NLRC3: variants seen among roughly 807,000 people sequenced by gnomAD.
The protein encoded by NLRC3 is NLR family CARD domain-containing protein 3.
NLRC3 carries 87 observed loss-of-function variants against 91.6 expected under a neutral mutation model. The observed-to-expected ratio is 0.95, with a 90% CI of 0.80 to 1.14. The LOEUF (loss-of-function observed/expected upper bound fraction) is 1.14, where lower values mean the gene tolerates loss of function less well. NLRC3 is among the 50% of genes most tolerant of loss of function. The pLI, the probability that NLRC3 is intolerant of heterozygous loss-of-function variation, is 0.00. For synonymous variants in NLRC3, 694 were observed against 625.3 expected (o/e 1.11, Z -1.64); for missense variants, 1,577 against 1,418.6 (o/e 1.11, Z -1.79).
chr16:3,572,434 C>T (rs2040132262), intron 1 of NLRC3, among the ~76,000 whole-genome samples: 1 of 152,074 alleles, frequency 6.6e-6, no homozygotes, highest in African/African-American at 2.4e-5. Flanking sequence ...ACTACAGGCG[C>T]ATGCTACCAC....
Position 3,557,043 on chromosome 16 carries a change from G to T in NLRC3, c.2100-49C>A, listed in dbSNP as rs199476281. Reference sequence around the variant, plus strand: ...CCTCCTTCATCTGTCTCCCAGAGAGGGAAGGGGAAACAGAAACTGCATTGA... The same window carrying T: ...CCTCCTTCATCTGTCTCCCAGAGAGTGAAGGGGAAACAGAAACTGCATTGA... On this transcript the variant is annotated intron_variant, in intron 7 of 19. Transcript: ENST00000359128. 215 of 1,332,818 alleles carry T rather than the reference G, an allele frequency of 1.6e-4. No individual in the cohort carries two copies. Among genetic ancestry groups the T allele is most frequent in the Admixed American group, 1.2e-3 (67 of 57,870 alleles). 82.6% of individuals were successfully genotyped at this position (1,332,818 alleles called of 1,614,324 possible).
Position 3,563,018 on chromosome 16 carries a change from C to T in NLRC3, c.1919G>A (p.Arg640Gln), listed in dbSNP as rs115489359. The T allele has an allele frequency of 7.5e-4, 1,160 of 1,553,008 alleles. 7 individuals carry two copies. In the African/African-American group the frequency reaches 9.8e-3, roughly 13 times the overall value. ...CTGCCCTGGTATCCACCTGAGCTTCCGGCAGTAGAGCAGCTGGGGCAGCAG... is the reference window on the plus strand; with the variant it reads ...CTGCCCTGGTATCCACCTGAGCTTCTGGCAGTAGAGCAGCTGGGGCAGCAG... Reference protein sequence around the residue: ...QSLLPQLLYCRKLRLDTNQFQ... With the variant: ...QSLLPQLLYCQKLRLDTNQFQ... The change falls in exon 5 of 20, where the codon CGG (arginine) becomes CAG (glutamine). Residue 640 changes from arginine (R) to glutamine (Q), a missense_variant. Arg to Gln is a conservative substitution (Grantham distance 43, BLOSUM62 1). Transcript: ENST00000359128.
chr16:3,543,166 A>G, intron 17 of NLRC3: 1 of 505,742 alleles, frequency 2.0e-6, no homozygotes, highest in South Asian at 2.1e-5. Flanking sequence ...CCAGAGAACA[A>G]GATCAGCCCC....
intron 11 of NLRC3, 72 bp from the exon 12 acceptor site, chr16:3,549,852 G>C: frequency 9.1e-7 from 1 of 1,096,720 alleles, no homozygotes; most frequent in South Asian, 1.4e-5. Flanking sequence ...CCCAGTCTGG[G>C]ACAGCAGGCA....
In NLRC3 at chr16:3,542,275, C is replaced by CG; in HGVS notation, c.3024-2_3024-1insC. On this transcript the variant is annotated splice_acceptor_variant, in intron 18 of 19. Transcript: ENST00000359128. LOFTEE classifies it high-confidence loss of function. ...CATCCCCAGAGAATTCTCTTGAAGA[C>CG]TAAGTGGAAAAGAGATGGAGACACA... 6.3e-7 allele frequency: 1 copy of CG among 1,576,938 alleles called. No homozygotes were observed. Among genetic ancestry groups the CG allele is most frequent in the Non-Finnish European group, 8.6e-7 (1 of 1,157,452 alleles).
chr16:3,552,496 C>T (rs2039068968), intron 9 of NLRC3, among the ~76,000 whole-genome samples: 1 of 152,098 alleles, frequency 6.6e-6, no homozygotes, highest in African/African-American at 2.4e-5. Context: ...GGCAGCTGAG[C>T]CTCCCTTGCA....
rs2038336004 is a variant in NLRC3, at chr16:3,540,033, C to G, written c.*1792G>C. The G allele has an allele frequency of 6.6e-6, 1 of 152,184 alleles. No individual in the cohort carries two copies. Among genetic ancestry groups the G allele is most frequent in the Admixed American group, 6.5e-5 (1 of 15,270 alleles). 9.4% of individuals were successfully genotyped at this position (152,184 alleles called of 1,614,324 possible). On this transcript the variant is annotated 3_prime_UTR_variant, in exon 20 of 20. Coordinates refer to ENST00000359128, the MANE Select transcript of NLRC3 (RefSeq NM_178844.4). ...TGACAAGAATACATCAGAGACGACT[C>G]CGTGGTGCATCAGACTGGGGGCATG...
intron 3 of NLRC3, 46 bp from the exon 4 acceptor site, chr16:3,565,106 C>A (rs747033139): frequency 6.8e-7 from 1 of 1,470,572 alleles, no homozygotes; most frequent in East Asian, 2.3e-5. Flanking sequence ...GCCCCCCATC[C>A]AGCAGCCTGG....
intron 1 of NLRC3, among the ~76,000 whole-genome samples, chr16:3,569,788 G>A (rs747057138): frequency 1.3e-5 from 2 of 152,220 alleles, no homozygotes; most frequent in East Asian, 1.9e-4. Flanking sequence ...AGGCCTTCTT[G>A]TTTTACTCTA....
intron 1 of NLRC3, among the ~76,000 whole-genome samples, chr16:3,574,318 A>G (rs1046089955): frequency 1.3e-5 from 2 of 151,900 alleles, no homozygotes; most frequent in African/African-American, 2.4e-5. Context: ...TAAATAACCA[A>G]CGCTCGGCCT....
In NLRC3 at chr16:3,572,151, G is replaced by A. The variant is rs149301063; in HGVS notation, c.-168-4827C>T. On this transcript the variant is annotated intron_variant, in intron 1 of 19. Transcript: ENST00000359128. ...GAAAAAAGGACACAGATAATTCATA[G>A]AAGTATAAATGACCAAGATATTGAA... Among the ~76,000 whole-genome samples, 82 of 152,136 alleles carry A rather than the reference G, an allele frequency of 5.4e-4. No homozygotes were observed. In the East Asian group the frequency reaches 0.014, roughly 27 times the overall value.
At chr16:3,567,017 G>A (rs1392942748) in intron 2 of NLRC3, among the ~76,000 whole-genome samples, 1 of 152,180 alleles carries the variant, frequency 6.6e-6, no homozygotes, top group Non-Finnish European at 1.5e-5. Context: ...ATGTTCCTGG[G>A]GTCTCCTGGG....
chr16:3,549,918 C>G, intron 11 of NLRC3, 138 bp from the exon 12 acceptor site: 3 of 610,886 alleles, frequency 4.9e-6, no homozygotes, highest in Non-Finnish European at 8.7e-6. Flanking sequence ...CACTGCTTCT[C>G]TTCTCATCTC....
chr16:3,565,227 TG>T (rs2039826155), intron 3 of NLRC3, 91 bp downstream of exon 3: 8 of 695,900 alleles, frequency 1.1e-5, no homozygotes, highest in Non-Finnish European at 2.6e-6. Flanking sequence ...AAGGGCCATT[TG>T]TTCCTGGGTG....
At chr16:3,551,755 C>CCATTCATG (rs57379452) in intron 10 of NLRC3, among the ~76,000 whole-genome samples, 2 of 3,184 alleles carry the variant, frequency 6.3e-4, no homozygotes, top group Non-Finnish European at 1.2e-3. Flanking sequence ...ATCCATTCAC[C>CCATTCATG]AGTCCTCTCA....
chr16:3,561,895 G>A (rs570354615), intron 5 of NLRC3, 107 bp from the exon 6 acceptor site: 8 of 770,420 alleles, frequency 1.0e-5, no homozygotes, highest in East Asian at 7.5e-5. Flanking sequence ...CGCTATCACC[G>A]CAGCTCTGAG....
At chr16:3,560,761 G>A (rs1380188441) in intron 6 of NLRC3, among the ~76,000 whole-genome samples, 8 of 151,634 alleles carry the variant, frequency 5.3e-5, no homozygotes, top group Admixed American at 1.3e-4. Flanking sequence ...CTGGGTTCAC[G>A]CCATTCTCCT....
intron 6 of NLRC3, among the ~76,000 whole-genome samples, chr16:3,560,479 C>G (rs1567140239): frequency 6.6e-6 from 1 of 152,136 alleles, no homozygotes. Flanking sequence ...ACTCACCTCC[C>G]TAGGTCTGCA....
chr16:3,551,850 T>A (rs2151088525), intron 10 of NLRC3, among the ~76,000 whole-genome samples: 1 of 147,894 alleles, frequency 6.8e-6, no homozygotes, highest in Admixed American at 6.7e-5. Context: ...TGCCTACCCA[T>A]CCACCACTAC....
Sources: gnomAD v4.1 joint callset for allele counts (sites outside exome capture counted in the v4.1 genomes callset) on GRCh38, gnomAD v4.1.1 for gene constraint, MANE v1.5 for transcripts, NCBI Gene and HGNC (gene_info 2026-07-23, HGNC 2026-07-21) for gene names.